EFCAB6: variants seen among roughly 807,000 people sequenced by gnomAD.
EFCAB6 encodes EF-hand calcium-binding domain-containing protein 6.
Under a neutral mutation model 169.8 loss-of-function variants are expected in EFCAB6, and 156 were observed. The ratio of observed to expected loss-of-function variants is 0.92; its 90% CI spans 0.81 to 1.05. The LOEUF is 1.05. EFCAB6 is among the 50% of genes least tolerant of loss of function. The pLI, the probability that EFCAB6 is intolerant of heterozygous loss-of-function variation, is 0.00. For missense variants in EFCAB6, 1,800 were observed against 1,829.1 expected, an observed-to-expected ratio of 0.98 and a Z score of 0.29; for synonymous variants, 698 against 676.4, an observed-to-expected ratio of 1.03 and a Z score of -0.50.
intron 8 of EFCAB6, among the ~76,000 whole-genome samples, chr22:43,730,561 G>A (rs866143359): frequency 2.0e-5 from 3 of 152,166 alleles, no homozygotes; most frequent in Middle Eastern, 3.4e-3. Flanking sequence ...CATTCTTACA[G>A]AGAACAGCAT....
chr22:43,542,846 G>A (rs964607157), intron 27 of EFCAB6, among the ~76,000 whole-genome samples: 2 of 152,282 alleles, frequency 1.3e-5, no homozygotes, highest in South Asian at 2.1e-4. Flanking sequence ...GCCAGCCAGT[G>A]AGCTTGACAT....
chr22:43,683,744 TAC>T lies in EFCAB6; in HGVS notation c.1251+1_1251+2del, dbSNP rs1176334974. The T allele has an allele frequency of 6.3e-7, 1 of 1,597,394 alleles. No homozygotes were observed. The highest frequency in any genetic ancestry group is 1.1e-5 in the South Asian group (1 of 90,772). On this transcript the variant is annotated splice_donor_variant, in intron 12 of 31. Transcript: ENST00000262726. LOFTEE classifies it high-confidence loss of function. ...TCACAAGAGAAGGCTTTCAAAATCTTACAGTGTTGATTATCAGTAATGCTTTC... is the reference window on the plus strand; with the variant it reads ...TCACAAGAGAAGGCTTTCAAAATCTTAGTGTTGATTATCAGTAATGCTTTC...
intron 6 of EFCAB6, among the ~76,000 whole-genome samples, chr22:43,754,024 A>G (rs573145955): frequency 6.6e-6 from 1 of 152,198 alleles, no homozygotes; most frequent in South Asian, 2.1e-4. Context: ...TAGAAGGGTC[A>G]GAGTCTTCAT....
intron 15 of EFCAB6, among the ~76,000 whole-genome samples, chr22:43,671,651 A>G (rs909002053): frequency 6.6e-6 from 1 of 152,200 alleles, no homozygotes; most frequent in African/African-American, 2.4e-5. Context: ...CTCAGGAATC[A>G]TAGAGACCCA....
chr22:43,559,908 T>A (rs2048926912), intron 26 of EFCAB6, among the ~76,000 whole-genome samples: 1 of 152,124 alleles, frequency 6.6e-6, no homozygotes. Context: ...AAATACCTAA[T>A]GCATGTGGGG....
At chr22:43,719,591 C>T (rs2059450643) in intron 8 of EFCAB6, among the ~76,000 whole-genome samples, 1 of 152,158 alleles carries the variant, frequency 6.6e-6, no homozygotes, top group African/African-American at 2.4e-5. Context: ...AGAACAGCAC[C>T]AAACCTCTAA....
rs187615566 is a variant in EFCAB6 at position 43,682,839 on chromosome 22, A to G, written c.1251+908T>C. Among the ~76,000 whole-genome samples the G allele has an allele frequency of 3.6e-3, 552 of 152,358 alleles. 4 individuals carry two copies. The highest frequency in any genetic ancestry group is 5.7e-3 in the Non-Finnish European group (385 of 68,034). Reference sequence around the variant, plus strand: ...AGAGAGACCAAGTCACATAGGTGTAAAGATTCATTCAAAGAACCCCATGTT... The same window carrying G: ...AGAGAGACCAAGTCACATAGGTGTAGAGATTCATTCAAAGAACCCCATGTT... On this transcript the variant is annotated intron_variant, in intron 12 of 31. Coordinates refer to ENST00000262726, the MANE Select transcript of EFCAB6 (RefSeq NM_022785.4).
At position 43,550,399 on chromosome 22, in the gene EFCAB6, C is replaced by T. The variant is rs530506314; in HGVS notation, c.3648+4470G>A. Among the ~76,000 whole-genome samples, 47 of 152,246 alleles carry T rather than the reference C, an allele frequency of 3.1e-4. No individual in the cohort carries two copies. In the South Asian group the frequency reaches 8.9e-3, roughly 29 times the overall value. On this transcript the variant is annotated intron_variant, in intron 27 of 31. Transcript: ENST00000262726. ...TCTAAAATGTTCAGAAGGCCGGGCG[C>T]GGTGGCTCATGCCTGTCATCCCAAC...
intron 28 of EFCAB6, among the ~76,000 whole-genome samples, chr22:43,539,832 C>T (rs2047591866): frequency 6.6e-6 from 1 of 152,230 alleles, no homozygotes; most frequent in African/African-American, 2.4e-5. Context: ...AGCACCACTG[C>T]ACTGCGGACA....
chr22:43,556,268 C>T (rs1337937906), intron 26 of EFCAB6, among the ~76,000 whole-genome samples: 1 of 152,132 alleles, frequency 6.6e-6, no homozygotes. Flanking sequence ...CATGCATCTA[C>T]TTGCTGAAAT....
Position 43,716,907 on chromosome 22 carries a change from A to G in EFCAB6, c.823T>C (p.Ser275Pro). The change falls in exon 9 of 32, where the codon TCT (serine) becomes CCT (proline). Residue 275 changes from serine (S) to proline (P), a missense_variant. Transcript: ENST00000262726. The stretch of plus-strand genomic sequence containing the variant: ...GAGTAGTTTCTCCAGATATCTTCAG[A>G]TGATGCAGAACCTAGCAAACGTTCC... ...KKERLLGSAS[S>P]EDIWRNYSLD... 2 of 1,603,850 alleles carry G rather than the reference A, an allele frequency of 1.2e-6. No individual in the cohort carries two copies. The highest frequency in any genetic ancestry group is 2.2e-5 in the East Asian group (1 of 44,450).
chr22:43,695,792 T>A (rs1234039275), intron 10 of EFCAB6, among the ~76,000 whole-genome samples: 3 of 152,072 alleles, frequency 2.0e-5, no homozygotes, highest in Non-Finnish European at 2.9e-5. Context: ...GAATTAACCT[T>A]GACCCTTATC....
intron 13 of EFCAB6, among the ~76,000 whole-genome samples, chr22:43,676,343 G>A (rs1401712262): frequency 1.3e-5 from 2 of 151,120 alleles, no homozygotes; most frequent in Non-Finnish European, 2.9e-5. Flanking sequence ...CTTGAACCCA[G>A]GAGGCAGGGA....
intron 30 of EFCAB6, 61 bp from the exon 31 acceptor site, chr22:43,531,025 T>C (rs569508466): frequency 6.2e-6 from 10 of 1,603,412 alleles, no homozygotes; most frequent in Admixed American, 3.4e-5. Flanking sequence ...TGGGGTGGGC[T>C]CCTCCTCGCC....
Position 43,711,529 on chromosome 22 carries a change from A to G in EFCAB6, c.977T>C (p.Leu326Pro), listed in dbSNP as rs1444416737. 6.2e-7 allele frequency: 1 copy of G among 1,605,886 alleles called. No homozygotes were observed. The highest frequency in any genetic ancestry group is 8.5e-7 in the Non-Finnish European group (1 of 1,178,236). Residue 326 changes from leucine to proline, a missense_variant, in exon 10 of 32, where the codon CTC becomes CCC. Coordinates refer to ENST00000262726, the MANE Select transcript of EFCAB6 (RefSeq NM_022785.4). ...YVSFNYLKIV[L>P]DTFVYQIPRR... ...TGGTATTTGGTATACAAAAGTGTCG[A>G]GGACAATCTTTAGATAATTAAAAGA...
intron 6 of EFCAB6, among the ~76,000 whole-genome samples, chr22:43,738,365 C>T (rs1216212908): frequency 1.2e-5 from 1 of 82,084 alleles, no homozygotes; most frequent in Non-Finnish European, 2.6e-5. Flanking sequence ...CACCATCAAT[C>T]ACATACACAT....
At chr22:43,550,961 G>T (rs1055003440) in intron 27 of EFCAB6, among the ~76,000 whole-genome samples, 1 of 152,190 alleles carries the variant, frequency 6.6e-6, no homozygotes, top group Non-Finnish European at 1.5e-5. Context: ...TTCAAAAGAT[G>T]TGTCACTTCC....
intron 9 of EFCAB6, among the ~76,000 whole-genome samples, chr22:43,715,441 T>C (rs1172838628): frequency 6.6e-6 from 1 of 152,232 alleles, no homozygotes; most frequent in Non-Finnish European, 1.5e-5. Context: ...CAACACTGCC[T>C]GGCACAGAGA....
chr22:43,682,297 G>A (rs190973455), intron 12 of EFCAB6, among the ~76,000 whole-genome samples: 1 of 152,306 alleles, frequency 6.6e-6, no homozygotes, highest in Non-Finnish European at 1.5e-5. Flanking sequence ...TAGCCTAAGT[G>A]CCCAGCACGG....
Sources: gnomAD v4.1 joint callset for allele counts (sites outside exome capture counted in the v4.1 genomes callset) on GRCh38, gnomAD v4.1.1 for gene constraint, MANE v1.5 for transcripts, NCBI Gene and HGNC (gene_info 2026-07-23, HGNC 2026-07-21) for gene names.